LCOR: variants seen among roughly 807,000 people sequenced by gnomAD.
The protein encoded by LCOR is ligand-dependent corepressor.
LCOR carries 14 observed loss-of-function variants against 64.4 expected under a neutral mutation model. The observed-to-expected ratio is 0.22, with a 90% CI of 0.14 to 0.34. The LOEUF is 0.34. Ranked by LOEUF, LCOR falls within the 10% of genes least tolerant of loss-of-function variation. LCOR has a pLI of 1.00. For missense variants in LCOR, 1,686 were observed against 1,765.3 expected (o/e 0.96, Z 0.80); for synonymous variants, 643 against 642.5 (o/e 1.00, Z -0.01).
chr10:96,912,199 G>A (rs933527640), intron 4 of LCOR, among the ~76,000 whole-genome samples: 4 of 152,094 alleles, frequency 2.6e-5, no homozygotes, highest in Non-Finnish European at 5.9e-5. Flanking sequence ...CTCCCAAAGT[G>A]TGATAACAGG....
intron 4 of LCOR, among the ~76,000 whole-genome samples, chr10:96,927,453 C>A (rs1383539466): frequency 6.6e-6 from 1 of 151,764 alleles, no homozygotes; most frequent in Non-Finnish European, 1.5e-5. Context: ...ATTTGAAAAG[C>A]AGTTTTTTTT....
In LCOR at chr10:96,989,695, A is replaced by ATATATATATATATATTTT. The variant is rs1371771053; in HGVS notation, c.*4562_*4563insATATATATATATATTTTT. 2 of 86,160 alleles carry ATATATATATATATATTTT rather than the reference A, an allele frequency of 2.3e-5. No homozygotes were observed. The highest frequency in any genetic ancestry group is 1.2e-4 in the African/African-American group (2 of 16,170). 5.3% of individuals were successfully genotyped at this position (86,160 alleles called of 1,614,324 possible). On this transcript the variant is annotated 3_prime_UTR_variant, in exon 8 of 8. Coordinates refer to ENST00000421806, the MANE Select transcript of LCOR (RefSeq NM_001346516.2). Reference sequence around the variant, plus strand: ...TAAGGATATATATATATATATATATATTTTTTTTTTTTTTTTTTTTTTTTA... The same window carrying ATATATATATATATATTTT: ...TAAGGATATATATATATATATATATATATATATATATATATTTTTTTTTTTTTTTTTTTTTTTTTTTTA...
At chr10:96,876,812 C>T (rs1846173551) in intron 2 of LCOR, among the ~76,000 whole-genome samples, 1 of 152,096 alleles carries the variant, frequency 6.6e-6, no homozygotes, top group African/African-American at 2.4e-5. Context: ...CCTCAGGCCT[C>T]CCGAGTAGCT....
At chr10:96,858,295 A>T (rs1013111413) in intron 2 of LCOR, among the ~76,000 whole-genome samples, 2 of 152,218 alleles carry the variant, frequency 1.3e-5, no homozygotes, top group Non-Finnish European at 2.9e-5. Flanking sequence ...TGTTCAGAGC[A>T]TGTTACTCTG....
At chr10:96,834,766 A>G (rs1165281815) in intron 2 of LCOR, among the ~76,000 whole-genome samples, 1 of 152,036 alleles carries the variant, frequency 6.6e-6, no homozygotes, top group East Asian at 1.9e-4. Context: ...AGATGGTTTT[A>G]ATTAGTGTAT....
At chr10:96,967,103 G>A (rs922990813) in intron 7 of LCOR, among the ~76,000 whole-genome samples, 21 of 152,104 alleles carry the variant, frequency 1.4e-4, no homozygotes, top group Non-Finnish European at 2.6e-4. Context: ...TTTAATGTTC[G>A]TTGTTCATCA....
At chr10:96,841,668 T>C (rs1326773960) in intron 2 of LCOR, among the ~76,000 whole-genome samples, 4 of 152,058 alleles carry the variant, frequency 2.6e-5, no homozygotes, top group African/African-American at 9.7e-5. Flanking sequence ...GCCAAGACTT[T>C]CTTTTTGGAT....
chr10:96,884,657 G>A (rs1846313659), intron 2 of LCOR, among the ~76,000 whole-genome samples: 1 of 152,198 alleles, frequency 6.6e-6, no homozygotes, highest in Non-Finnish European at 1.5e-5. Context: ...CTGGGTTGAG[G>A]TATAAGAATT....
chr10:96,920,168 G>T (rs556759320), intron 4 of LCOR, among the ~76,000 whole-genome samples: 1 of 151,626 alleles, frequency 6.6e-6, no homozygotes, highest in East Asian at 1.9e-4. Flanking sequence ...TCTTCCGTGG[G>T]TGTATTTTTT....
chr10:96,962,340 G>T (rs966911697), intron 7 of LCOR: 1 of 152,126 alleles, frequency 6.6e-6, no homozygotes, highest in Non-Finnish European at 1.5e-5. Context: ...CCCCCTTTAA[G>T]TCTTCAGGGA....
intron 4 of LCOR, among the ~76,000 whole-genome samples, chr10:96,912,409 A>C (rs1193014055): frequency 6.6e-6 from 1 of 152,246 alleles, no homozygotes; most frequent in African/African-American, 2.4e-5. Flanking sequence ...CAATAGTATA[A>C]TCTGCAAACC....
chr10:96,874,351 G>C (rs1393289326), intron 2 of LCOR, among the ~76,000 whole-genome samples: 1 of 152,070 alleles, frequency 6.6e-6, no homozygotes, highest in Non-Finnish European at 1.5e-5. Flanking sequence ...CCATTATCCT[G>C]TCAGTAATCC....
chr10:96,973,310 A>C (rs1028856368), intron 7 of LCOR, among the ~76,000 whole-genome samples: 6 of 152,352 alleles, frequency 3.9e-5, no homozygotes. Context: ...GGCTTTCTAA[A>C]GAGTGGAAAA....
intron 2 of LCOR, among the ~76,000 whole-genome samples, chr10:96,843,829 TA>T (rs1216891088): frequency 2.0e-5 from 3 of 152,218 alleles, no homozygotes; most frequent in Non-Finnish European, 2.9e-5. Flanking sequence ...TTCATAAGTT[TA>T]AAGAAATAAA....
At chr10:96,889,298 C>T (rs778430351) in intron 2 of LCOR, among the ~76,000 whole-genome samples, 11 of 152,244 alleles carry the variant, frequency 7.2e-5, no homozygotes, top group African/African-American at 2.2e-4. Context: ...CCATGTTGTA[C>T]GTATCAGTAT....
intron 4 of LCOR, among the ~76,000 whole-genome samples, chr10:96,920,251 A>G (rs930825070): frequency 2.0e-5 from 3 of 151,386 alleles, no homozygotes; most frequent in Admixed American, 2.0e-4. Context: ...TTCCCTAGTG[A>G]TTCATAGTGC....
At chr10:96,883,083 C>T (rs889412011) in intron 2 of LCOR, among the ~76,000 whole-genome samples, 3 of 152,210 alleles carry the variant, frequency 2.0e-5, no homozygotes, top group South Asian at 2.1e-4. Context: ...GTTGTTCAGG[C>T]TGGAGTGCAG....
At chr10:96,838,295 A>AT (rs1310225092) in intron 2 of LCOR, among the ~76,000 whole-genome samples, 1 of 151,750 alleles carries the variant, frequency 6.6e-6, no homozygotes, top group East Asian at 1.9e-4. Flanking sequence ...TTTTATTTTT[A>AT]TTTTTTCTCA....
intron 1 of LCOR, chr10:96,832,901 C>T (rs1459321935): frequency 5.7e-5 from 46 of 807,388 alleles, no homozygotes; most frequent in Non-Finnish European, 6.9e-5. Context: ...GGCGCGCCCC[C>T]GGGTCTGCGT....
Sources: gnomAD v4.1 joint callset for allele counts (sites outside exome capture counted in the v4.1 genomes callset) on GRCh38, gnomAD v4.1.1 for gene constraint, MANE v1.5 for transcripts, NCBI Gene and HGNC (gene_info 2026-07-23, HGNC 2026-07-21) for gene names.